Variants in KCNH7 observed in about 807,000 individuals in gnomAD.
KCNH7 encodes potassium voltage-gated channel subfamily H member 7, also known as voltage-gated inwardly rectifying potassium channel KCNH7.
In KCNH7, 49 loss-of-function variants were observed where a neutral mutation model predicts 120.8. The observed-to-expected ratio is 0.41, with a 90% confidence interval of 0.32 to 0.51. The LOEUF (loss-of-function observed/expected upper bound fraction) is 0.51, where lower values mean the gene tolerates loss of function less well. Among genes scored for constraint, KCNH7 ranks in the 20% least tolerant of loss-of-function variants. KCNH7 has a pLI of 0.38. For synonymous variants in KCNH7, 547 were observed against 516.1 expected (o/e 1.06, Z -0.81); for missense variants, 1,097 against 1,446.6 (o/e 0.76, Z 3.92).
At chr2:162,390,976 G>A (rs942235514) in intron 12 of KCNH7, among the ~76,000 whole-genome samples, 3 of 151,966 alleles carry the variant, frequency 2.0e-5, no homozygotes, top group Non-Finnish European at 4.4e-5. Context: ...AATTGGAAGC[G>A]GAGTGGCAGG....
chr2:162,803,063 G>T (rs1313796511), intron 2 of KCNH7, among the ~76,000 whole-genome samples: 1 of 151,592 alleles, frequency 6.6e-6, no homozygotes, highest in Admixed American at 6.6e-5. Context: ...GTTTCCCCAA[G>T]ATTTCTATTT....
At chr2:162,394,882 T>A (rs1686860995) in intron 11 of KCNH7, among the ~76,000 whole-genome samples, 1 of 151,820 alleles carries the variant, frequency 6.6e-6, no homozygotes, top group African/African-American at 2.4e-5. Flanking sequence ...ATACATGAAT[T>A]TTCTTTTTCC....
chr2:162,737,030 C>G (rs141862091), intron 2 of KCNH7, among the ~76,000 whole-genome samples: 1 of 152,188 alleles, frequency 6.6e-6, no homozygotes, highest in African/African-American at 2.4e-5. Flanking sequence ...ACACTCCAAA[C>G]TCTAACTAAG....
intron 2 of KCNH7, among the ~76,000 whole-genome samples, chr2:162,761,627 A>G (rs1174907121): frequency 6.6e-6 from 1 of 152,144 alleles, no homozygotes; most frequent in Non-Finnish European, 1.5e-5. Context: ...AGGAAACTGT[A>G]GGTTAGAGTC....
At chr2:162,431,703 T>C (rs1688076341) in intron 8 of KCNH7, among the ~76,000 whole-genome samples, 1 of 151,962 alleles carries the variant, frequency 6.6e-6, no homozygotes, top group South Asian at 2.1e-4. Context: ...TGTAATCAAT[T>C]TGATTAGAGT....
In KCNH7 at chr2:162,379,891, C is replaced by T. The variant is rs764528075; in HGVS notation, c.3093G>A (p.Val1031=). 15 of 1,613,984 alleles carry T rather than the reference C, an allele frequency of 9.3e-6. No homozygotes were observed. The highest frequency in any genetic ancestry group is 1.3e-5 in the Non-Finnish European group (15 of 1,179,942). ...CCTGGAGCAGATCTAATCTTTGTTC[C>T]ACTTCCCCGTAGGTGAGGTCGCTTT... The part of the protein sequence containing the change: ...ETESDLTYGE[V]EQRLDLLQEQ... The change falls in exon 14 of 16, where the codon GTG becomes GTA. Residue 1031 remains valine (V), a synonymous_variant. Transcript: ENST00000332142.
chr2:162,449,021 A>T (rs1418529859), intron 6 of KCNH7, among the ~76,000 whole-genome samples: 1 of 151,990 alleles, frequency 6.6e-6, no homozygotes, highest in East Asian at 1.9e-4. Flanking sequence ...GGGATGAGGA[A>T]GTTGGGAAGG....
Position 162,504,634 on chromosome 2 carries a change from T to G in KCNH7, c.937A>C (p.Ser313Arg). The change falls in exon 6 of 16, where the codon AGC becomes CGC. Residue 313 changes from serine to arginine, a missense_variant. By Grantham distance (110) the Ser-to-Arg change is moderately radical. Transcript: ENST00000332142. ...VKGPFNHIKSSLLGSTSDSNL... is the reference protein window; with the variant it reads ...VKGPFNHIKSRLLGSTSDSNL... ...GAATCTGATGTGGATCCCAGGAGGC[T>G]TGACTTGATATGATTAAAAGGCCCT... 6.2e-7 allele frequency: 1 copy of G among 1,611,706 alleles called. No homozygotes were observed. The highest frequency in any genetic ancestry group is 8.5e-7 in the Non-Finnish European group (1 of 1,178,274).
At chr2:162,486,583 G>A (rs565803018) in intron 6 of KCNH7, among the ~76,000 whole-genome samples, 4 of 152,130 alleles carry the variant, frequency 2.6e-5, no homozygotes, top group Admixed American at 6.6e-5. Flanking sequence ...AGAAAAAATA[G>A]GAAAAAATAT....
At chr2:162,508,439 C>T (rs994062908) in intron 5 of KCNH7, among the ~76,000 whole-genome samples, 1 of 151,112 alleles carries the variant, frequency 6.6e-6, no homozygotes, top group Non-Finnish European at 1.5e-5. Context: ...GTGCAAGCTA[C>T]TTAGATAAGG....
chr2:162,809,527 G>T (rs898513475), intron 2 of KCNH7, among the ~76,000 whole-genome samples: 7 of 152,094 alleles, frequency 4.6e-5, no homozygotes, highest in Non-Finnish European at 1.0e-4. Context: ...TTTGATTCCT[G>T]TAATAACTAT....
At chr2:162,374,488 A>G (rs1401141839) in intron 14 of KCNH7, among the ~76,000 whole-genome samples, 1 of 152,190 alleles carries the variant, frequency 6.6e-6, no homozygotes, top group East Asian at 1.9e-4. Context: ...ATAAGAACAG[A>G]AAATTTGGAC....
At chr2:162,456,127 G>A (rs1688954110) in intron 6 of KCNH7, among the ~76,000 whole-genome samples, 1 of 151,980 alleles carries the variant, frequency 6.6e-6, no homozygotes, top group Admixed American at 6.6e-5. Context: ...AGAGATTCTG[G>A]TATGTTGTCT....
intron 6 of KCNH7, among the ~76,000 whole-genome samples, chr2:162,493,941 A>G (rs1405582286): frequency 1.3e-5 from 2 of 152,200 alleles, no homozygotes; most frequent in Non-Finnish European, 2.9e-5. Flanking sequence ...ATATTGACCA[A>G]CTTCAAAAAG....
chr2:162,463,506 A>G (rs1474694958), intron 6 of KCNH7, among the ~76,000 whole-genome samples: 1 of 151,452 alleles, frequency 6.6e-6, no homozygotes, highest in African/African-American at 2.4e-5. Context: ...GGCCTTAACT[A>G]TGTTTGCCAT....
chr2:162,402,934 C>A (rs1687106853), intron 9 of KCNH7, among the ~76,000 whole-genome samples: 2 of 151,894 alleles, frequency 1.3e-5, no homozygotes, highest in Non-Finnish European at 2.9e-5. Flanking sequence ...TGGAATCAGA[C>A]AGGCTTGATC....
At chr2:162,418,894 T>C (rs911721504) in intron 9 of KCNH7, among the ~76,000 whole-genome samples, 1 of 152,118 alleles carries the variant, frequency 6.6e-6, no homozygotes, top group African/African-American at 2.4e-5. Flanking sequence ...ATAGGGTCCA[T>C]TACAGGTCTA....
chr2:162,404,419 T>A (rs1446035749), intron 9 of KCNH7, among the ~76,000 whole-genome samples: 1 of 151,950 alleles, frequency 6.6e-6, no homozygotes, highest in African/African-American at 2.4e-5. Context: ...TTTGGATATT[T>A]GTCCCATCCA....
At chr2:162,572,948 G>A (rs1323092696) in intron 2 of KCNH7, among the ~76,000 whole-genome samples, 1 of 152,076 alleles carries the variant, frequency 6.6e-6, no homozygotes, top group Non-Finnish European at 1.5e-5. Flanking sequence ...CCTAATGCTA[G>A]ATGACGAGTT....
Sources: gnomAD v4.1 joint callset for allele counts (sites outside exome capture counted in the v4.1 genomes callset) on GRCh38, gnomAD v4.1.1 for gene constraint, MANE v1.5 for transcripts, NCBI Gene and HGNC (gene_info 2026-07-23, HGNC 2026-07-21) for gene names.